The following EPB41L2 variants were observed in gnomAD, a reference collection of about 807,000 sequenced individuals.
EPB41L2 encodes band 4.1-like protein 2.
In EPB41L2, 43 loss-of-function variants were observed where a neutral mutation model predicts 113.0. The observed-to-expected ratio is 0.38, with a 90% CI of 0.30 to 0.49. EPB41L2 has a LOEUF of 0.49. Among genes scored for constraint, EPB41L2 ranks in the 20% least tolerant of loss-of-function variants. EPB41L2 has a pLI of 0.95. For synonymous variants in EPB41L2, 442 were observed against 436.7 expected, an observed-to-expected ratio of 1.01 and a Z score of -0.15; for missense variants, 1,147 against 1,223.4, an observed-to-expected ratio of 0.94 and a Z score of 0.93.
chr6:130,913,076 CT>C (rs1348420816), intron 4 of EPB41L2, among the ~76,000 whole-genome samples: 1 of 152,164 alleles, frequency 6.6e-6, no homozygotes, highest in African/African-American at 2.4e-5. Context: ...AACCCAAGGA[CT>C]AACCCTGTGT....
chr6:130,897,003 G>C (rs1371746601), intron 8 of EPB41L2, among the ~76,000 whole-genome samples: 2 of 151,994 alleles, frequency 1.3e-5, no homozygotes, highest in Non-Finnish European at 2.9e-5. Context: ...CCACAAGACG[G>C]CCCTCTCCAC....
intron 12 of EPB41L2, among the ~76,000 whole-genome samples, chr6:130,884,512 GCCCAA>G (rs1790310210): frequency 2.0e-5 from 3 of 152,162 alleles, no homozygotes; most frequent in African/African-American, 7.2e-5. Context: ...TGATGTTACT[GCCCAA>G]GGTAACAAAA....
At chr6:130,964,529 G>A (rs899532822) in intron 1 of EPB41L2, among the ~76,000 whole-genome samples, 1 of 150,484 alleles carries the variant, frequency 6.6e-6, no homozygotes, top group Admixed American at 6.6e-5. Flanking sequence ...CTCACTGGTT[G>A]ATTCTAAGCA....
At chr6:130,932,926 T>C (rs1469036021) in intron 3 of EPB41L2, among the ~76,000 whole-genome samples, 1 of 152,242 alleles carries the variant, frequency 6.6e-6, no homozygotes, top group Non-Finnish European at 1.5e-5. Context: ...CAACCCATAA[T>C]GTTCAAGGAC....
chr6:130,850,754 T>C (rs920385918), intron 19 of EPB41L2, among the ~76,000 whole-genome samples: 14 of 152,270 alleles, frequency 9.2e-5, no homozygotes, highest in Admixed American at 5.2e-4. Flanking sequence ...TAATAGTCAG[T>C]AATGGTTATG....
chr6:131,044,019 C>CTT lies in EPB41L2; in HGVS notation c.-15+19134_-15+19135dup, dbSNP rs35350923. On this transcript the variant is annotated intron_variant, in intron 1 of 19. Transcript: ENST00000337057. ...TATATTTAAAACTTTCTAAATAATG[C>CTT]TTTTTTTTTTTTTTTTTTTTGAGAC... Among the ~76,000 whole-genome samples, 885 of 103,034 alleles carry CTT rather than the reference C, an allele frequency of 8.6e-3. 15 individuals carry two copies. The highest frequency in any genetic ancestry group is 0.013 in the Non-Finnish European group (705 of 54,530). 67.6% of individuals were successfully genotyped at this position (103,034 alleles called of 152,430 possible). A position where few individuals can be genotyped will look rare whatever the true frequency, so the allele number is the denominator to read the frequency against.
At chr6:130,935,905 C>T (rs1476058230) in intron 3 of EPB41L2, among the ~76,000 whole-genome samples, 1 of 152,132 alleles carries the variant, frequency 6.6e-6, no homozygotes, top group Non-Finnish European at 1.5e-5. Context: ...CACAACAAAC[C>T]CAAAGCCAAC....
At chr6:130,961,052 G>A (rs910120764) in intron 1 of EPB41L2, among the ~76,000 whole-genome samples, 69 of 152,208 alleles carry the variant, frequency 4.5e-4, no homozygotes, top group Admixed American at 3.9e-3. Flanking sequence ...GAAAGACCAG[G>A]AGATTTGCCT....
At chr6:130,935,633 T>A (rs1192285842) in intron 3 of EPB41L2, among the ~76,000 whole-genome samples, 3 of 152,332 alleles carry the variant, frequency 2.0e-5, no homozygotes, top group African/African-American at 7.2e-5. Context: ...GGCCCCTTTT[T>A]TTAAAAAGAA....
At chr6:130,914,032 A>C (rs1006043417) in intron 4 of EPB41L2, among the ~76,000 whole-genome samples, 4 of 152,162 alleles carry the variant, frequency 2.6e-5, no homozygotes. Context: ...CACATATATA[A>C]ACCGTGGAAT....
rs367946316 is a variant in EPB41L2 at position 131,044,698 on chromosome 6, C to A, written c.-15+18457G>T. 8.5e-5 allele frequency among the ~76,000 whole-genome samples: 13 copies of A among 152,252 alleles called. No homozygotes were observed. The East Asian group carries it at 2.1e-3, about 25-fold the overall frequency. ...GGGAAAGCACTCCATTCCAAGGCAG[C>A]CCCATTCCATCATCAGCCTTCTCCA... On this transcript the variant is annotated intron_variant, in intron 1 of 19. Transcript: ENST00000337057.
chr6:130,994,840 C>T lies in EPB41L2; in HGVS notation c.-14-38341G>A, dbSNP rs75410685. ...ACGCCTCTGCTCACTGAGATAAAAGCGTATCCGATTGCCTCCTTTGGAGAG... is the reference window on the plus strand; with the variant it reads ...ACGCCTCTGCTCACTGAGATAAAAGTGTATCCGATTGCCTCCTTTGGAGAG... On this transcript the variant is annotated intron_variant, in intron 1 of 19. Coordinates refer to ENST00000337057, the MANE Select transcript of EPB41L2 (RefSeq NM_001431.4). Among the ~76,000 whole-genome samples the T allele has an allele frequency of 7.9e-4, 121 of 152,262 alleles. 1 individual carries two copies. In the East Asian group the frequency reaches 0.019, roughly 24 times the overall value.
intron 11 of EPB41L2, among the ~76,000 whole-genome samples, chr6:130,887,298 A>T (rs2128475043): frequency 6.6e-6 from 1 of 152,348 alleles, no homozygotes; most frequent in African/African-American, 2.4e-5. Flanking sequence ...CAAATGGCTA[A>T]TTGGCCTACT....
chr6:131,020,973 T>G (rs1789338090), intron 1 of EPB41L2, among the ~76,000 whole-genome samples: 1 of 152,092 alleles, frequency 6.6e-6, no homozygotes, highest in Admixed American at 6.5e-5. Context: ...TTTTTTAACT[T>G]TTTTTGTAGA....
intron 1 of EPB41L2, among the ~76,000 whole-genome samples, chr6:130,963,426 T>C (rs1774133350): frequency 6.6e-6 from 1 of 152,172 alleles, no homozygotes; most frequent in Non-Finnish European, 1.5e-5. Flanking sequence ...TTAATATTAG[T>C]GAGATAAATC....
At chr6:130,874,256 A>C (rs1441093860) in intron 14 of EPB41L2, among the ~76,000 whole-genome samples, 1 of 151,090 alleles carries the variant, frequency 6.6e-6, no homozygotes, top group African/African-American at 2.5e-5. Context: ...TTGAAAATGC[A>C]ATGTATTTTT....
intron 19 of EPB41L2, among the ~76,000 whole-genome samples, chr6:130,851,252 C>A (rs1170410217): frequency 6.6e-6 from 1 of 152,202 alleles, no homozygotes; most frequent in African/African-American, 2.4e-5. Context: ...CTCAGTTCAG[C>A]CAACAGGGTT....
chr6:130,870,064 T>C lies in EPB41L2; in HGVS notation c.2106A>G (p.Glu702=), dbSNP rs752670777. The change falls in exon 15 of 20, where the codon GAA becomes GAG. Residue 702 remains glutamate (E), a synonymous_variant. Transcript: ENST00000337057. Reference sequence around the variant, plus strand: ...CATTCATTTCTTCTGTGATTACTCTTTCGTCTTTCCCAACCTCTGCCCGCT... The same window carrying C: ...CATTCATTTCTTCTGTGATTACTCTCTCGTCTTTCCCAACCTCTGCCCGCT... ...EKKRAEVGKD[E]RVITEEMNGK... The C allele has an allele frequency of 2.2e-5, 35 of 1,613,960 alleles. No individual in the cohort carries two copies. The highest frequency in any genetic ancestry group is 3.3e-4 in the Middle Eastern group (2 of 6,084).
chr6:130,967,380 C>T (rs946385800), intron 1 of EPB41L2, among the ~76,000 whole-genome samples: 2 of 152,096 alleles, frequency 1.3e-5, no homozygotes, highest in Admixed American at 6.6e-5. Flanking sequence ...CCTGAGAAAA[C>T]GTTGCTTGTT....
Sources: allele counts gnomAD v4.1 joint callset (sites outside exome capture counted in the v4.1 genomes callset), GRCh38; gene constraint gnomAD v4.1.1; transcripts MANE v1.5; gene names NCBI Gene and HGNC (gene_info 2026-07-23, HGNC 2026-07-21).